Variants in EIF4G3 observed in about 807,000 individuals in gnomAD.
EIF4G3 encodes eukaryotic translation initiation factor 4 gamma 3.
In EIF4G3, 34 loss-of-function variants were observed where a neutral mutation model predicts 186.4. The observed-to-expected ratio is 0.18, with a 90% CI of 0.14 to 0.24. The LOEUF (loss-of-function observed/expected upper bound fraction) is 0.24, where lower values mean the gene tolerates loss of function less well. EIF4G3 is among the 10% of genes least tolerant of loss of function. The probability of loss-of-function intolerance (pLI) is 1.00; values close to 1 mark genes in which losing one functional copy is unlikely to be tolerated. For synonymous variants in EIF4G3, 673 were observed against 679.5 expected (o/e 0.99, Z 0.15); for missense variants, 1,536 against 1,948.5 (o/e 0.79, Z 3.99).
At chr1:20,900,514 A>T (rs1159096122) in intron 15 of EIF4G3, among the ~76,000 whole-genome samples, 2 of 64,354 alleles carry the variant, frequency 3.1e-5, no homozygotes, top group Non-Finnish European at 8.5e-5. Flanking sequence ...CTTGTATATA[A>T]AAAAAAAAAA....
intron 14 of EIF4G3, among the ~76,000 whole-genome samples, chr1:20,940,048 G>T (rs1199576718): frequency 6.6e-6 from 1 of 151,706 alleles, no homozygotes; most frequent in African/African-American, 2.4e-5. Flanking sequence ...TGGAGATGGG[G>T]TTTCACTGTG....
intron 33 of EIF4G3, among the ~76,000 whole-genome samples, chr1:20,818,721 G>C (rs2061615405): frequency 6.6e-6 from 1 of 152,058 alleles, no homozygotes; most frequent in South Asian, 2.1e-4. Context: ...GGTATGCCTT[G>C]CTTTATGTGG....
chr1:20,881,004 T>C (rs7531883), intron 19 of EIF4G3, among the ~76,000 whole-genome samples: 147,644 of 152,182 alleles, frequency 0.97, 71,746 homozygotes, highest in Middle Eastern at 1. Flanking sequence ...CACACACAAA[T>C]ACAAAACCCT....
At chr1:20,837,819 C>T (rs1288194041) in intron 30 of EIF4G3, among the ~76,000 whole-genome samples, 1 of 152,138 alleles carries the variant, frequency 6.6e-6, no homozygotes. Context: ...TGGACACTGA[C>T]ATGAAGCAAT....
At chr1:20,981,020 G>A in intron 9 of EIF4G3, 28 bp downstream of exon 9, 1 of 1,472,138 alleles carries the variant, frequency 6.8e-7, no homozygotes, top group African/African-American at 1.4e-5. Context: ...TCTATTGCTG[G>A]ACCACCTAGG....
At chr1:21,100,746 T>C (rs1157265792) in intron 2 of EIF4G3, among the ~76,000 whole-genome samples, 4 of 147,122 alleles carry the variant, frequency 2.7e-5, no homozygotes, top group Non-Finnish European at 6.1e-5. Context: ...GTATGGCTTA[T>C]CCTGCGAATC....
chr1:20,855,193 C>A, intron 25 of EIF4G3, 122 bp from the exon 26 acceptor site: 1 of 663,116 alleles, frequency 1.5e-6, no homozygotes. Flanking sequence ...GTTTGGAATG[C>A]CAATTTAATA....
intron 2 of EIF4G3, among the ~76,000 whole-genome samples, chr1:21,112,087 G>T (rs552838257): frequency 6.6e-6 from 1 of 152,088 alleles, no homozygotes; most frequent in South Asian, 2.1e-4. Context: ...TTCTCCAAAG[G>T]CCTCCACTTA....
At chr1:21,018,923 CTTT>C (rs138213734) in intron 4 of EIF4G3, among the ~76,000 whole-genome samples, 2 of 146,880 alleles carry the variant, frequency 1.4e-5, no homozygotes. Context: ...TAATAAAGCT[CTTT>C]TTTTTTTTTT....
intron 30 of EIF4G3, among the ~76,000 whole-genome samples, chr1:20,838,695 T>C (rs1040418403): frequency 5.3e-5 from 8 of 152,084 alleles, no homozygotes; most frequent in East Asian, 3.9e-4. Context: ...CTTTTTTTTT[T>C]CCCCAGACGT....
intron 14 of EIF4G3, among the ~76,000 whole-genome samples, chr1:20,916,597 G>GA (rs991355923): frequency 6.6e-6 from 1 of 151,764 alleles, no homozygotes; most frequent in Non-Finnish European, 1.5e-5. Context: ...AAAAAATATA[G>GA]AAAAAAACTG....
intron 2 of EIF4G3, among the ~76,000 whole-genome samples, chr1:21,090,358 C>T (rs891586815): frequency 2.0e-5 from 3 of 152,110 alleles, no homozygotes; most frequent in South Asian, 2.1e-4. Context: ...ACAACAAATG[C>T]CAACTAGGCA....
At chr1:20,943,494 A>G (rs573175218) in intron 13 of EIF4G3, among the ~76,000 whole-genome samples, 1 of 152,330 alleles carries the variant, frequency 6.6e-6, no homozygotes, top group Non-Finnish European at 1.5e-5. Flanking sequence ...CCCTGAGTGG[A>G]GGAAACCAAA....
chr1:21,009,066 T>C (rs749994252), intron 4 of EIF4G3, among the ~76,000 whole-genome samples: 2 of 152,222 alleles, frequency 1.3e-5, no homozygotes, highest in African/African-American at 2.4e-5. Context: ...TACATAGCTA[T>C]ACCAATAAGT....
At chr1:21,084,720 T>C (rs1572292763) in intron 3 of EIF4G3, among the ~76,000 whole-genome samples, 1 of 152,082 alleles carries the variant, frequency 6.6e-6, no homozygotes, top group East Asian at 1.9e-4. Context: ...CCTAGAAATC[T>C]TCAGTTTCAG....
In EIF4G3 at chr1:21,176,847, G is replaced by A; in HGVS notation, c.-581C>T. 1.4e-6 allele frequency: 1 copy of A among 701,714 alleles called. No individual in the cohort carries two copies. The highest frequency in any genetic ancestry group is 2.7e-5 in the East Asian group (1 of 37,122). 43.5% of individuals were successfully genotyped at this position (701,714 alleles called of 1,614,324 possible). A position where few individuals can be genotyped will look rare whatever the true frequency, so the allele number is the denominator to read the frequency against. ...GTGGATTTTCTTCACTCAACGAGCA[G>A]AGCATCCAACATGGCGCTGTGGCCG... On this transcript the variant is annotated 5_prime_UTR_variant, in exon 1 of 37. Coordinates refer to ENST00000602326, the MANE Select transcript of EIF4G3 (RefSeq NM_001391906.1).
At chr1:21,038,734 T>C (rs1473980342) in intron 4 of EIF4G3, among the ~76,000 whole-genome samples, 2 of 152,326 alleles carry the variant, frequency 1.3e-5, no homozygotes, top group Non-Finnish European at 2.9e-5. Context: ...AATCATTAAC[T>C]AGAACATTCC....
In EIF4G3 at chr1:20,851,273, T is replaced by G; in HGVS notation, c.3757A>C (p.Lys1253Gln). The change falls in exon 28 of 37, where the codon AAA becomes CAA. Residue 1253 changes from lysine to glutamine, a missense_variant. Physicochemically the swap from Lys to Gln is moderately conservative, Grantham distance 53 (BLOSUM62 1). This residue lies in a region of EIF4G3 where 395 missense variants were observed against 498.9 expected (regional missense o/e 0.79). Coordinates refer to ENST00000602326, the MANE Select transcript of EIF4G3 (RefSeq NM_001391906.1). Reference protein sequence around the residue: ...ERNSTEAERNKTRESAKPEIS... With the variant: ...ERNSTEAERNQTRESAKPEIS... ...AGTCTCTCACCTGACTCCCTTGTTT[T>G]ATTTCGCTCAGCCTCAGTGCTGTTC... The G allele has an allele frequency of 6.2e-7, 1 of 1,614,218 alleles. No homozygotes were observed. The highest frequency in any genetic ancestry group is 8.5e-7 in the Non-Finnish European group (1 of 1,180,046).
intron 2 of EIF4G3, 83 bp from the exon 3 acceptor site, chr1:21,089,296 A>G (rs2096099744): frequency 1.4e-6 from 1 of 691,936 alleles, no homozygotes. Context: ...AATTCCACCA[A>G]CGACCTAAGC....
Sources: gnomAD v4.1 joint callset for allele counts (sites outside exome capture counted in the v4.1 genomes callset) on GRCh38, gnomAD v4.1.1 for gene constraint, gnomAD v4.1.1 regional missense constraint, MANE v1.5 for transcripts, NCBI Gene and HGNC (gene_info 2026-07-23, HGNC 2026-07-21) for gene names.